SORCS2: variants seen among roughly 807,000 people sequenced by gnomAD.
SORCS2 encodes the protein sortilin related VPS10 domain containing receptor 2, also known as VPS10 domain-containing receptor SorCS2.
SORCS2 carries 100 observed loss-of-function variants against 141.6 expected under a neutral mutation model. The observed-to-expected ratio is 0.71, with a 90% CI of 0.60 to 0.83. SORCS2 has a LOEUF of 0.83. SORCS2 is among the 40% of genes least tolerant of loss of function. The pLI is 0.00. For synonymous variants in SORCS2, 789 were observed against 676.9 expected (o/e 1.17, Z -2.57); for missense variants, 1,646 against 1,560.2 (o/e 1.05, Z -0.93).
At chr4:7,681,750 A>T (rs1723539915) in intron 9 of SORCS2, among the ~76,000 whole-genome samples, 1 of 152,216 alleles carries the variant, frequency 6.6e-6, no homozygotes, top group Admixed American at 6.5e-5. Context: ...GAGAGGACAC[A>T]TTTTAAGCTC....
Position 7,413,355 on chromosome 4 carries a change from A to C in SORCS2, c.548+17000A>C, listed in dbSNP as rs114141047. ...AGAATTCCAATTGAATTATGTATTA[A>C]ACATGTTCTTATGATCCTCCGTATT... is the stretch of plus-strand genomic sequence containing the variant. On this transcript the variant is annotated intron_variant, in intron 2 of 26. Transcript: ENST00000507866. 7.4e-5 allele frequency among the ~76,000 whole-genome samples: 11 copies of C among 149,600 alleles called. No individual in the cohort carries two copies. The South Asian group carries it at 2.1e-3, about 29-fold the overall frequency.
At chr4:7,295,582 G>A (rs1304106925) in intron 1 of SORCS2, among the ~76,000 whole-genome samples, 5 of 152,286 alleles carry the variant, frequency 3.3e-5, no homozygotes, top group East Asian at 1.9e-4. Flanking sequence ...CGCTGGTGGG[G>A]GCTGGACTCC....
chr4:7,295,873 G>A (rs188553770), intron 1 of SORCS2, among the ~76,000 whole-genome samples: 1 of 152,382 alleles, frequency 6.6e-6, no homozygotes, highest in East Asian at 1.9e-4. Context: ...CCAGCACACA[G>A]TAGGTGATCA....
chr4:7,463,207 G>A (rs145173861), intron 2 of SORCS2, among the ~76,000 whole-genome samples: 236 of 152,330 alleles, frequency 1.5e-3, no homozygotes, highest in African/African-American at 5.5e-3. Flanking sequence ...CTGAATGAAT[G>A]ACTACGGGAT....
intron 1 of SORCS2, among the ~76,000 whole-genome samples, chr4:7,202,826 C>T (rs989077197): frequency 6.6e-6 from 1 of 152,146 alleles, no homozygotes; most frequent in Non-Finnish European, 1.5e-5. Context: ...CTCCCAGCTT[C>T]TGCTTCTGAT....
chr4:7,196,747 C>T (rs1232940262), intron 1 of SORCS2, among the ~76,000 whole-genome samples: 1 of 151,938 alleles, frequency 6.6e-6, no homozygotes, highest in Non-Finnish European at 1.5e-5. Flanking sequence ...GAGCAGACTA[C>T]CCACACTCTC....
chr4:7,576,838 G>A (rs1715783869), intron 3 of SORCS2, among the ~76,000 whole-genome samples: 2 of 152,216 alleles, frequency 1.3e-5, no homozygotes, highest in South Asian at 4.1e-4. Context: ...CTGGCTCATG[G>A]CACATGAACT....
chr4:7,297,882 C>T (rs562871067), intron 1 of SORCS2, among the ~76,000 whole-genome samples: 188 of 152,342 alleles, frequency 1.2e-3, no homozygotes, highest in African/African-American at 4.3e-3. Context: ...CCTGTCTGTC[C>T]TCTGGCTGTG....
intron 2 of SORCS2, among the ~76,000 whole-genome samples, chr4:7,513,344 C>T (rs915581184): frequency 1.1e-4 from 16 of 152,234 alleles, no homozygotes; most frequent in African/African-American, 3.9e-4. Context: ...GCCCCCCAAC[C>T]CTGCAGAGGT....
At chr4:7,553,577 G>A (rs531232217) in intron 3 of SORCS2, among the ~76,000 whole-genome samples, 13 of 152,306 alleles carry the variant, frequency 8.5e-5, no homozygotes, top group African/African-American at 2.9e-4. Context: ...GAGACTGCCT[G>A]GAAAACATCT....
chr4:7,608,295 C>T (rs1055851207), intron 3 of SORCS2, among the ~76,000 whole-genome samples: 6 of 152,168 alleles, frequency 3.9e-5, no homozygotes, highest in Non-Finnish European at 7.4e-5. Flanking sequence ...GAGAAGGCTG[C>T]CGGATTGCAC....
At chr4:7,703,138 C>A in intron 12 of SORCS2, 142 bp from the exon 13 acceptor site, 1 of 621,786 alleles carries the variant, frequency 1.6e-6, no homozygotes, top group Non-Finnish European at 2.7e-6. Flanking sequence ...CCGGGACATG[C>A]AGGGAACCCT....
At chr4:7,454,499 TGTGTGTTGGGGTC>T (rs1728728351) in intron 2 of SORCS2, among the ~76,000 whole-genome samples, 1 of 102,920 alleles carries the variant, frequency 9.7e-6, no homozygotes, top group Non-Finnish European at 2.1e-5. Context: ...GGTCAGGTGC[TGTGTGTTGGGGTC>T]AGATGCTGTG....
chr4:7,586,539 C>G (rs1232295695), intron 3 of SORCS2, among the ~76,000 whole-genome samples: 1 of 152,192 alleles, frequency 6.6e-6, no homozygotes, highest in Non-Finnish European at 1.5e-5. Context: ...TCCATGTGTT[C>G]TCATCACTCA....
At chr4:7,561,924 T>C (rs150499694) in intron 3 of SORCS2, among the ~76,000 whole-genome samples, 1 of 152,218 alleles carries the variant, frequency 6.6e-6, no homozygotes, top group Non-Finnish European at 1.5e-5. Context: ...TCCATCTACC[T>C]ATCCATCCAT....
chr4:7,603,838 G>T (rs1287145918), intron 3 of SORCS2, among the ~76,000 whole-genome samples: 1 of 152,134 alleles, frequency 6.6e-6, no homozygotes, highest in African/African-American at 2.4e-5. Context: ...CTAACATGGG[G>T]TCTGGTAAAG....
At chr4:7,282,367 T>C (rs1412703540) in intron 1 of SORCS2, among the ~76,000 whole-genome samples, 1 of 152,226 alleles carries the variant, frequency 6.6e-6, no homozygotes, top group Non-Finnish European at 1.5e-5. Context: ...CACATTATGA[T>C]GTTTGGGGAA....
At chr4:7,460,719 A>C (rs1288059377) in intron 2 of SORCS2, among the ~76,000 whole-genome samples, 1 of 152,010 alleles carries the variant, frequency 6.6e-6, no homozygotes, top group African/African-American at 2.4e-5. Context: ...CTGGATATTC[A>C]GCTCTTGGGA....
At position 7,740,896 on chromosome 4, in the gene SORCS2, G is replaced by T. The variant is rs944626200; in HGVS notation, c.*632G>T. The T allele has an allele frequency of 1.3e-5, 5 of 397,540 alleles. No homozygotes were observed. The highest frequency in any genetic ancestry group is 2.2e-5 in the Non-Finnish European group (5 of 226,192). 24.6% of individuals were successfully genotyped at this position (397,540 alleles called of 1,614,324 possible). On this transcript the variant is annotated 3_prime_UTR_variant, in exon 27 of 27. Transcript: ENST00000507866. ...GTCTTTATAGCCGGCGGTAGCCACC[G>T]GGGTGGCTCTGTCAGAGTTCCGTAC...
Sources: gnomAD v4.1 joint callset for allele counts (sites outside exome capture counted in the v4.1 genomes callset) on GRCh38, gnomAD v4.1.1 for gene constraint, MANE v1.5 for transcripts, NCBI Gene and HGNC (gene_info 2026-07-23, HGNC 2026-07-21) for gene names.